Variants in DISP1 observed in about 807,000 individuals in gnomAD.
The protein encoded by DISP1 is dispatched RND transporter family member 1.
DISP1 carries 30 observed loss-of-function variants against 37.3 expected under a neutral mutation model. The ratio of observed to expected loss-of-function variants is 0.80; its 90% CI spans 0.60 to 1.09. DISP1 has a LOEUF of 1.09. DISP1 is among the 50% of genes least tolerant of loss of function. DISP1 has a pLI of 0.00. For synonymous variants in DISP1, 634 were observed against 690.2 expected (o/e 0.92, Z 1.28); for missense variants, 1,598 against 1,879.5 (o/e 0.85, Z 2.77).
At chr1:222,976,689 A>C (rs1677359234) in intron 3 of DISP1, among the ~76,000 whole-genome samples, 1 of 152,138 alleles carries the variant, frequency 6.6e-6, no homozygotes, top group South Asian at 2.1e-4. Context: ...AATTAGTCAT[A>C]GATCCATGAA....
At chr1:222,959,281 C>T (rs979339047) in intron 3 of DISP1, among the ~76,000 whole-genome samples, 1 of 152,082 alleles carries the variant, frequency 6.6e-6, no homozygotes, top group Non-Finnish European at 1.5e-5. Flanking sequence ...TTATTGAACC[C>T]TTACTATATG....
chr1:222,891,867 A>T (rs1225768345), intron 1 of DISP1, among the ~76,000 whole-genome samples: 3 of 151,972 alleles, frequency 2.0e-5, no homozygotes, highest in African/African-American at 7.3e-5. Flanking sequence ...AGTAAATATA[A>T]ACAACTATCT....
At chr1:222,915,819 C>A (rs766269879) in intron 1 of DISP1, among the ~76,000 whole-genome samples, 8 of 152,174 alleles carry the variant, frequency 5.3e-5, no homozygotes, top group Non-Finnish European at 1.0e-4. Flanking sequence ...AACTCTGATA[C>A]CATGACCTGC....
At chr1:222,848,779 A>G (rs1211759548) in intron 1 of DISP1, among the ~76,000 whole-genome samples, 3 of 152,204 alleles carry the variant, frequency 2.0e-5, no homozygotes, top group Admixed American at 2.0e-4. Context: ...AGGGGCTAAT[A>G]TATGTATAGC....
chr1:222,957,847 A>G (rs1174545446), intron 3 of DISP1, among the ~76,000 whole-genome samples: 1 of 152,230 alleles, frequency 6.6e-6, no homozygotes, highest in African/African-American at 2.4e-5. Context: ...ACCAGGCTAT[A>G]GTAAGAGAAA....
intron 3 of DISP1, among the ~76,000 whole-genome samples, chr1:222,964,902 C>T (rs1676354201): frequency 6.6e-6 from 1 of 152,180 alleles, no homozygotes; most frequent in Admixed American, 6.6e-5. Context: ...ACAAACACTG[C>T]TTGCTGGAAG....
At chr1:222,941,154 A>AT (rs925908456) in intron 2 of DISP1, among the ~76,000 whole-genome samples, 23 of 152,236 alleles carry the variant, frequency 1.5e-4, no homozygotes, top group Non-Finnish European at 1.0e-4. Flanking sequence ...CCTGGATCAC[A>AT]TTAGTGCTCT....
At chr1:222,971,401 ACCC>A (rs1350451716) in intron 3 of DISP1, among the ~76,000 whole-genome samples, 1 of 117,448 alleles carries the variant, frequency 8.5e-6, no homozygotes, top group Non-Finnish European at 2.0e-5. Flanking sequence ...TTAACCCCAC[ACCC>A]CCCAAGTTTT....
chr1:222,846,003 A>G (rs1401035430), intron 1 of DISP1, among the ~76,000 whole-genome samples: 2 of 152,216 alleles, frequency 1.3e-5, no homozygotes, highest in Non-Finnish European at 2.9e-5. Context: ...GTCTAAAACA[A>G]TCTTTGCCTA....
At position 223,005,932 on chromosome 1, in the gene DISP1, C is replaced by T. The variant is rs767009595; in HGVS notation, c.4535C>T (p.Ser1512Leu). 1.1e-5 allele frequency: 18 copies of T among 1,613,982 alleles called. No individual in the cohort carries two copies. Among genetic ancestry groups the T allele is most frequent in the South Asian group, 4.4e-5 (4 of 91,066 alleles). Residue 1512 changes from serine (S) to leucine (L), a missense_variant, in exon 9 of 9, where the codon TCG becomes TTG. Physicochemically the swap from Ser to Leu is moderately radical, Grantham distance 145. Transcript: ENST00000675850. ...AATGTGCCTGCTGTATTAACACACT[C>T]GGAACTTTCTGGTGAAAGTTTGTTA... is the stretch of plus-strand genomic sequence containing the variant. Reference protein sequence around the residue: ...EANVPAVLTHSELSGESLLIK... With the variant: ...EANVPAVLTHLELSGESLLIK...
At chr1:222,896,656 A>T (rs1671277960) in intron 1 of DISP1, among the ~76,000 whole-genome samples, 1 of 152,184 alleles carries the variant, frequency 6.6e-6, no homozygotes, top group South Asian at 2.1e-4. Flanking sequence ...AGGAGAAAAT[A>T]TTTGTAATAC....
chr1:222,821,749 G>A (rs1662989594), intron 1 of DISP1, among the ~76,000 whole-genome samples: 1 of 152,010 alleles, frequency 6.6e-6, no homozygotes, highest in South Asian at 2.1e-4. Flanking sequence ...TGTGGTGGCG[G>A]GCACCTGTAA....
chr1:222,943,586 C>T (rs1416086994), intron 3 of DISP1: 3 of 555,236 alleles, frequency 5.4e-6, no homozygotes, highest in Non-Finnish European at 9.6e-6. Context: ...GGAATATCTG[C>T]TAGACCTTGA....
chr1:222,977,988 A>G (rs905437957), intron 3 of DISP1, among the ~76,000 whole-genome samples: 7 of 152,130 alleles, frequency 4.6e-5, no homozygotes, highest in African/African-American at 1.4e-4. Context: ...TAGTGCCACA[A>G]TAAACATACG....
chr1:222,861,145 G>A (rs34764163), intron 1 of DISP1, among the ~76,000 whole-genome samples: 30,017 of 151,868 alleles, frequency 0.2, 3,569 homozygotes, highest in Non-Finnish European at 0.26. Context: ...TTCCTTTGCC[G>A]ACTCACCTCT....
chr1:222,981,353 G>T (rs1299219952), intron 3 of DISP1, among the ~76,000 whole-genome samples: 1 of 152,182 alleles, frequency 6.6e-6, no homozygotes, highest in East Asian at 1.9e-4. Flanking sequence ...AGGCTGCAGT[G>T]GAATTGGAAT....
At chr1:222,852,721 A>C (rs1437556538) in intron 1 of DISP1, among the ~76,000 whole-genome samples, 1 of 152,214 alleles carries the variant, frequency 6.6e-6, no homozygotes, top group African/African-American at 2.4e-5. Context: ...ATAAAATACC[A>C]ATTTTTAAGA....
intron 3 of DISP1, among the ~76,000 whole-genome samples, chr1:222,948,309 A>G (rs1558349586): frequency 6.6e-6 from 1 of 152,208 alleles, no homozygotes; most frequent in Non-Finnish European, 1.5e-5. Flanking sequence ...CAGGTATTAT[A>G]TTTGCAGAAT....
At chr1:222,964,412 A>G (rs1046855770) in intron 3 of DISP1, among the ~76,000 whole-genome samples, 1 of 152,204 alleles carries the variant, frequency 6.6e-6, no homozygotes, top group Non-Finnish European at 1.5e-5. Flanking sequence ...TCACCACTCT[A>G]TGCTGTGCAA....
Sources: allele counts gnomAD v4.1 joint callset (sites outside exome capture counted in the v4.1 genomes callset), GRCh38; gene constraint gnomAD v4.1.1; transcripts MANE v1.5; gene names NCBI Gene and HGNC (gene_info 2026-07-23, HGNC 2026-07-21).